The following GSK3B variants were observed in gnomAD, a reference collection of about 807,000 sequenced individuals.
GSK3B encodes glycogen synthase kinase-3 beta.
A neutral mutation model predicts 56.4 loss-of-function variants in GSK3B; 15 were observed. That is an observed-to-expected ratio of 0.27 (90% CI 0.18 to 0.41). The LOEUF (loss-of-function observed/expected upper bound fraction) is 0.41. GSK3B is among the 10% of genes least tolerant of loss of function. GSK3B has a pLI of 1.00. For synonymous variants in GSK3B, 181 were observed against 188.9 expected (o/e 0.96, Z 0.34); for missense variants, 300 against 513.4 (o/e 0.58, Z 4.02).
chr3:120,023,299 G>T (rs919372852), intron 1 of GSK3B, among the ~76,000 whole-genome samples: 1 of 150,680 alleles, frequency 6.6e-6, no homozygotes, highest in Non-Finnish European at 1.5e-5. Context: ...AGACTTTCCT[G>T]AGCTGGGTCC....
chr3:120,034,349 T>C (rs1350439468), intron 1 of GSK3B, among the ~76,000 whole-genome samples: 1 of 152,232 alleles, frequency 6.6e-6, no homozygotes, highest in East Asian at 1.9e-4. Flanking sequence ...TAGCTCCTAC[T>C]TGTTTTAGCT....
intron 1 of GSK3B, among the ~76,000 whole-genome samples, chr3:120,050,683 GAGA>G (rs1219539288): frequency 6.6e-6 from 1 of 152,174 alleles, no homozygotes; most frequent in Non-Finnish European, 1.5e-5. Context: ...TAGGGGAGGA[GAGA>G]AGGTCAGGAG....
chr3:120,076,973 CCT>C (rs1171427242), intron 1 of GSK3B, among the ~76,000 whole-genome samples: 17 of 151,760 alleles, frequency 1.1e-4, no homozygotes, highest in East Asian at 7.7e-4. Flanking sequence ...CCACCTCACC[CCT>C]GTTAGGATAT....
chr3:119,966,139 T>A (rs1576234814), intron 2 of GSK3B, among the ~76,000 whole-genome samples: 1 of 152,320 alleles, frequency 6.6e-6, no homozygotes, highest in African/African-American at 2.4e-5. Flanking sequence ...TCCAATGTAG[T>A]CCTTTGCACA....
At chr3:119,853,604 T>G (rs1458745313) in intron 9 of GSK3B, among the ~76,000 whole-genome samples, 3 of 152,188 alleles carry the variant, frequency 2.0e-5, no homozygotes, top group African/African-American at 2.4e-5. Flanking sequence ...CGTTGAGCAG[T>G]GGTTTGTAGT....
In GSK3B at chr3:119,821,460, T is replaced by A. The variant is rs547265005; in HGVS notation, c.*5328A>T. The A allele has an allele frequency of 6.6e-6, 1 of 152,314 alleles. No individual in the cohort carries two copies. The highest frequency in any genetic ancestry group is 2.4e-5 in the African/African-American group (1 of 41,574). 9.4% of individuals were successfully genotyped at this position (152,314 alleles called of 1,614,324 possible). A position where few individuals can be genotyped will look rare whatever the true frequency, so the allele number is the denominator to read the frequency against. ...AAGAGACATAACATGTTTACATACA[T>A]CATCCAGTATTGGAAATGAGCAGAC... is the stretch of plus-strand genomic sequence containing the variant. On this transcript the variant is annotated 3_prime_UTR_variant, in exon 11 of 11. Coordinates refer to ENST00000264235, the MANE Select transcript of GSK3B (RefSeq NM_001146156.2).
chr3:119,994,210 TAATAA>T (rs1317127641), intron 2 of GSK3B, among the ~76,000 whole-genome samples: 1 of 152,096 alleles, frequency 6.6e-6, no homozygotes, highest in Non-Finnish European at 1.5e-5. Flanking sequence ...ATAACCCATT[TAATAA>T]AATGAGAGTC....
chr3:119,975,543 G>A (rs1339507750), intron 2 of GSK3B, among the ~76,000 whole-genome samples: 1 of 152,084 alleles, frequency 6.6e-6, no homozygotes, highest in Admixed American at 6.6e-5. Flanking sequence ...GCTATATACT[G>A]TATGATTCCA....
intron 9 of GSK3B, among the ~76,000 whole-genome samples, chr3:119,859,037 T>A (rs2056062686): frequency 6.6e-6 from 1 of 151,928 alleles, no homozygotes; most frequent in Admixed American, 6.6e-5. Context: ...ATGAAAAAGC[T>A]CTAAATATTG....
chr3:120,078,746 T>G (rs1274727719), intron 1 of GSK3B, among the ~76,000 whole-genome samples: 2 of 147,694 alleles, frequency 1.4e-5, no homozygotes, highest in Admixed American at 6.8e-5. Flanking sequence ...AGAGACAGGG[T>G]TTCTCCATGT....
At chr3:120,009,893 C>T (rs919436727) in intron 1 of GSK3B, among the ~76,000 whole-genome samples, 1 of 152,024 alleles carries the variant, frequency 6.6e-6, no homozygotes, top group Non-Finnish European at 1.5e-5. Flanking sequence ...ATGAGGGATT[C>T]CTTCATAAGA....
intron 1 of GSK3B, among the ~76,000 whole-genome samples, chr3:120,033,469 C>T (rs1164655815): frequency 6.6e-6 from 1 of 152,192 alleles, no homozygotes; most frequent in Non-Finnish European, 1.5e-5. Flanking sequence ...TCTCCATATC[C>T]TAACAAACAT....
chr3:119,823,911 G>T lies in GSK3B; in HGVS notation c.*2877C>A. 1 of 193,318 alleles carries T rather than the reference G, an allele frequency of 5.2e-6. No individual in the cohort carries two copies. Among genetic ancestry groups the T allele is most frequent in the Non-Finnish European group, 1.1e-5 (1 of 93,630 alleles). 12.0% of individuals were successfully genotyped at this position (193,318 alleles called of 1,614,324 possible). ...AGGAAACCAATTAAAATTTAAAAAA[G>T]AACAAATTAAAAAAAAAAACACATG... On this transcript the variant is annotated 3_prime_UTR_variant, in exon 11 of 11. Transcript: ENST00000264235.
At chr3:119,831,749 G>C (rs954302054) in intron 10 of GSK3B, among the ~76,000 whole-genome samples, 1 of 152,176 alleles carries the variant, frequency 6.6e-6, no homozygotes, top group African/African-American at 2.4e-5. Flanking sequence ...GGGGTGTACA[G>C]AGATATAAGT....
intron 2 of GSK3B, among the ~76,000 whole-genome samples, chr3:119,996,607 T>A (rs1049178875): frequency 1.5e-4 from 23 of 151,442 alleles, no homozygotes; most frequent in Admixed American, 5.3e-4. Flanking sequence ...TTTTTTTTTT[T>A]AATAAAAAAA....
rs193006904 is a variant in GSK3B at position 119,838,823 on chromosome 3, T to C, written c.1195+4432A>G. On this transcript the variant is annotated intron_variant, in intron 10 of 10. Transcript: ENST00000264235. Reference sequence around the variant, plus strand: ...AGCCTTTTTCTTTCCAATAGATTTATCCTGAAGTTAAAATCCCTAAAGTGG... The same window carrying C: ...AGCCTTTTTCTTTCCAATAGATTTACCCTGAAGTTAAAATCCCTAAAGTGG... Among the ~76,000 whole-genome samples the C allele has an allele frequency of 9.6e-4, 146 of 152,350 alleles. 1 individual carries two copies. Among genetic ancestry groups the C allele is most frequent in the African/African-American group, 3.1e-3 (130 of 41,580 alleles).
chr3:119,873,823 G>T (rs1307642628), intron 8 of GSK3B, among the ~76,000 whole-genome samples: 1 of 151,984 alleles, frequency 6.6e-6, no homozygotes, highest in East Asian at 1.9e-4. Context: ...CAACATAAGT[G>T]CACTTATTAC....
At chr3:120,073,511 C>G (rs1420422549) in intron 1 of GSK3B, among the ~76,000 whole-genome samples, 1 of 152,150 alleles carries the variant, frequency 6.6e-6, no homozygotes, top group East Asian at 1.9e-4. Context: ...GTTTTAAAAG[C>G]AAGGTATTTG....
At chr3:120,080,999 T>A (rs2058414667) in intron 1 of GSK3B, among the ~76,000 whole-genome samples, 1 of 152,170 alleles carries the variant, frequency 6.6e-6, no homozygotes, top group Non-Finnish European at 1.5e-5. Context: ...CTGTCAGGTT[T>A]CACTGTTATA....
Sources: allele counts gnomAD v4.1 joint callset (sites outside exome capture counted in the v4.1 genomes callset), GRCh38; gene constraint gnomAD v4.1.1; transcripts MANE v1.5; gene names NCBI Gene and HGNC (gene_info 2026-07-23, HGNC 2026-07-21).